Variants in TNS3 observed in about 807,000 individuals in gnomAD.
The protein encoded by TNS3 is tensin-3.
TNS3 carries 45 observed loss-of-function variants against 140.9 expected under a neutral mutation model. That is an observed-to-expected ratio of 0.32 (90% CI 0.25 to 0.41). The LOEUF (loss-of-function observed/expected upper bound fraction) is 0.41, where lower values mean the gene tolerates loss of function less well. Among genes scored for constraint, TNS3 ranks in the 10% least tolerant of loss-of-function variants. The probability of loss-of-function intolerance (pLI) is 1.00; values close to 1 mark genes in which losing one functional copy is unlikely to be tolerated. For missense variants in TNS3, 1,716 were observed against 1,906.7 expected, an observed-to-expected ratio of 0.90 and a Z score of 1.86; for synonymous variants, 815 against 788.4, an observed-to-expected ratio of 1.03 and a Z score of -0.56.
intron 1 of TNS3, among the ~76,000 whole-genome samples, chr7:47,536,866 G>A (rs553948879): frequency 6.6e-6 from 1 of 152,144 alleles, no homozygotes; most frequent in Non-Finnish European, 1.5e-5. Flanking sequence ...TGACATACGC[G>A]CACTGACAAG....
At chr7:47,382,915 G>A (rs554220147) in intron 16 of TNS3, among the ~76,000 whole-genome samples, 86 of 152,256 alleles carry the variant, frequency 5.6e-4, no homozygotes, top group African/African-American at 1.8e-3. Flanking sequence ...TGAGTTTCCC[G>A]AATATCTCTG....
intron 5 of TNS3, among the ~76,000 whole-genome samples, 167 bp from the exon 6 acceptor site, chr7:47,439,825 C>T (rs1348010831): frequency 2.6e-5 from 4 of 152,174 alleles, no homozygotes; most frequent in African/African-American, 9.7e-5. Context: ...GTGCTGTGTT[C>T]CCATAACAGC....
At chr7:47,292,072 T>A (rs76191441) in intron 26 of TNS3, 40 bp from the exon 27 acceptor site, 2 of 1,595,222 alleles carry the variant, frequency 1.3e-6, no homozygotes, top group Non-Finnish European at 1.7e-6. Flanking sequence ...TGAGTCCTGC[T>A]CCTGACCAAG....
chr7:47,381,581 T>TA (rs887506556), intron 16 of TNS3, among the ~76,000 whole-genome samples: 6 of 152,170 alleles, frequency 3.9e-5, no homozygotes, highest in Non-Finnish European at 8.8e-5. Context: ...GAAACCCTTT[T>TA]AAAAATCACC....
intron 3 of TNS3, among the ~76,000 whole-genome samples, chr7:47,493,775 C>A (rs1195509890): frequency 1.3e-5 from 2 of 151,738 alleles, no homozygotes; most frequent in East Asian, 3.9e-4. Context: ...TTGCAATGAG[C>A]CGAGATCGCG....
intron 2 of TNS3, among the ~76,000 whole-genome samples, chr7:47,509,168 T>A (rs1423406715): frequency 6.6e-6 from 1 of 152,232 alleles, no homozygotes; most frequent in Non-Finnish European, 1.5e-5. Context: ...ACATTCATGG[T>A]GGGTGGCCTA....
At chr7:47,437,510 C>T (rs543721785) in intron 6 of TNS3, among the ~76,000 whole-genome samples, 197 bp from the exon 7 acceptor site, 52 of 151,728 alleles carry the variant, frequency 3.4e-4, no homozygotes, top group Middle Eastern at 3.4e-3. Context: ...AAACACATTG[C>T]ATTTTTACAT....
intron 3 of TNS3, among the ~76,000 whole-genome samples, chr7:47,504,437 G>T (rs1798339211): frequency 6.6e-6 from 1 of 152,218 alleles, no homozygotes; most frequent in African/African-American, 2.4e-5. Context: ...GGAGCCTGTA[G>T]ACACAGGCGC....
Position 47,506,949 on chromosome 7 carries a change from G to GA in TNS3, c.-152-6dup, listed in dbSNP as rs148358400. 2.0e-3 allele frequency: 2,209 copies of GA among 1,110,844 alleles called. 1 individual carries two copies. Among genetic ancestry groups the GA allele is most frequent in the South Asian group, 4.2e-3 (289 of 68,544 alleles). 68.8% of individuals were successfully genotyped at this position (1,110,844 alleles called of 1,614,324 possible). On this transcript the variant is annotated splice_polypyrimidine_tract_variant and splice_region_variant and intron_variant, in intron 2 of 30. Transcript: ENST00000311160. ...TGTGGCAGGAATACTTGCAGGCTGG[G>GA]AAAAAAAAAAAGAGAAAGAATGTGT...
chr7:47,501,006 T>C (rs1798192823), intron 3 of TNS3, among the ~76,000 whole-genome samples: 1 of 152,158 alleles, frequency 6.6e-6, no homozygotes, highest in Admixed American at 6.5e-5. Flanking sequence ...AAGAATCCCT[T>C]GAACCCAAGA....
chr7:47,369,588 A>C lies in TNS3; in HGVS notation c.1058T>G (p.Leu353Arg). ...LHTQGPVDGS[L>R]YAKVRKKSSS... Reference sequence around the variant, plus strand: ...GCTTTTCTTCCTCACCTTCGCGTAAAGGCTGCCATCGACAGGGCCCTGCGT... The same window carrying C: ...GCTTTTCTTCCTCACCTTCGCGTAACGGCTGCCATCGACAGGGCCCTGCGT... Residue 353 changes from leucine (L) to arginine (R), a missense_variant, in exon 17 of 31, where the codon CTT (leucine) becomes CGT (arginine). Around this residue, in one of 3 missense-constraint regions of TNS3, gnomAD observed 1,163 missense variants for 1,182.1 expected, o/e 0.98. Transcript: ENST00000311160. 1 of 1,601,750 alleles carries C rather than the reference A, an allele frequency of 6.2e-7. No homozygotes were observed. The highest frequency in any genetic ancestry group is 8.5e-7 in the Non-Finnish European group (1 of 1,173,522).
chr7:47,572,930 T>C lies in TNS3; in HGVS notation c.-265+9121A>G, dbSNP rs553503260. Among the ~76,000 whole-genome samples, 4 of 152,112 alleles carry C rather than the reference T, an allele frequency of 2.6e-5. No homozygotes were observed. The East Asian group carries it at 7.7e-4, about 29-fold the overall frequency. ...TTACCTGTCTCACTCAAATTTTTCA[T>C]CAGAATAATCTGGTTACACCTGAAT... On this transcript the variant is annotated intron_variant, in intron 1 of 30. Coordinates refer to ENST00000311160, the MANE Select transcript of TNS3 (RefSeq NM_022748.12).
At position 47,277,553 on chromosome 7, in the gene TNS3, T is replaced by G. The variant is rs1382035647; in HGVS notation, c.*523A>C. The G allele has an allele frequency of 4.9e-6, 1 of 202,114 alleles. No homozygotes were observed. The highest frequency in any genetic ancestry group is 5.5e-5 in the Admixed American group (1 of 18,250). 12.5% of individuals were successfully genotyped at this position (202,114 alleles called of 1,614,324 possible). A position where few individuals can be genotyped will look rare whatever the true frequency, so the allele number is the denominator to read the frequency against. On this transcript the variant is annotated 3_prime_UTR_variant, in exon 31 of 31. Transcript: ENST00000311160. The stretch of plus-strand genomic sequence containing the variant: ...AGAAGGGCCTGACTTGCACAAACCT[T>G]CGTCAAACATACGCCCCCTTCTCAG...
intron 1 of TNS3, among the ~76,000 whole-genome samples, chr7:47,533,256 C>G (rs1799480318): frequency 6.7e-6 from 1 of 149,312 alleles, no homozygotes; most frequent in African/African-American, 2.5e-5. Context: ...CTCAGCCTCC[C>G]AAGTAGCTGG....
intron 5 of TNS3, among the ~76,000 whole-genome samples, chr7:47,440,705 G>A (rs1338150727): frequency 1.3e-5 from 2 of 152,166 alleles, no homozygotes; most frequent in Non-Finnish European, 2.9e-5. Context: ...CCAGGAGGAG[G>A]TGGAAAAGGT....
chr7:47,572,832 C>T (rs1393530491), intron 1 of TNS3, among the ~76,000 whole-genome samples: 1 of 151,444 alleles, frequency 6.6e-6, no homozygotes, highest in Non-Finnish European at 1.5e-5. Context: ...GAGATCGTGC[C>T]TGGGCGACAG....
chr7:47,498,192 C>T (rs1441847169), intron 3 of TNS3, among the ~76,000 whole-genome samples: 3 of 152,218 alleles, frequency 2.0e-5, no homozygotes, highest in African/African-American at 7.2e-5. Flanking sequence ...CAGGGCACCT[C>T]GAAAGCCCTA....
rs1170716847 is a variant in TNS3, at chr7:47,493,679, A to T, written c.-114-12538T>A. 1.3e-4 allele frequency among the ~76,000 whole-genome samples: 19 copies of T among 145,716 alleles called. No homozygotes were observed. The East Asian group carries it at 3.6e-3, about 27-fold the overall frequency. ...TAAAAATACAAAAAAAAAAAAAAAA[A>T]TAGCCGGGCATGGTGGCGGGCGCCT... On this transcript the variant is annotated intron_variant, in intron 3 of 30. Coordinates refer to ENST00000311160, the MANE Select transcript of TNS3 (RefSeq NM_022748.12).
rs144042398 is a variant in TNS3 at position 47,446,688 on chromosome 7, C to CTTTTTTTTTTTTTTTTT, written c.-75-4650_-75-4634dup. 1.6e-4 allele frequency among the ~76,000 whole-genome samples: 15 copies of CTTTTTTTTTTTTTTTTT among 96,720 alleles called. 2 individuals carry two copies. The highest frequency in any genetic ancestry group is 2.7e-4 in the African/African-American group (6 of 22,042). The allele number at this position is 96,720 out of a possible 152,430, so 63.5% of individuals were successfully genotyped here. A position where few individuals can be genotyped will look rare whatever the true frequency, so the allele number is the denominator to read the frequency against. On this transcript the variant is annotated intron_variant, in intron 4 of 30. Transcript: ENST00000311160. Reference sequence around the variant, plus strand: ...CAAAGACCGCCCTGTTCCAGGCTGCCTTTTTTTTTTTTTTTTTTTTTTTTT... The same window carrying CTTTTTTTTTTTTTTTTT: ...CAAAGACCGCCCTGTTCCAGGCTGCCTTTTTTTTTTTTTTTTTTTTTTTTTTTTTTTTTTTTTTTTTT...
Sources: allele counts gnomAD v4.1 joint callset (sites outside exome capture counted in the v4.1 genomes callset), GRCh38; gene constraint gnomAD v4.1.1; regional missense constraint gnomAD v4.1.1; transcripts MANE v1.5; gene names NCBI Gene and HGNC (gene_info 2026-07-23, HGNC 2026-07-21).